The following STARD13 variants were observed in gnomAD, a reference collection of about 807,000 sequenced individuals.
STARD13 encodes the protein stAR-related lipid transfer protein 13.
Under a neutral mutation model 106.4 loss-of-function variants are expected in STARD13, and 62 were observed. The ratio of observed to expected loss-of-function variants is 0.58; its 90% CI spans 0.48 to 0.72. STARD13 has a LOEUF of 0.72. Among genes scored for constraint, STARD13 ranks in the 30% least tolerant of loss-of-function variants. The pLI, the probability that STARD13 is intolerant of heterozygous loss-of-function variation, is 0.00. For synonymous variants in STARD13, 565 were observed against 553.0 expected, an observed-to-expected ratio of 1.02 and a Z score of -0.31; for missense variants, 1,387 against 1,424.0, an observed-to-expected ratio of 0.97 and a Z score of 0.42.
the STARD13 span, among the ~76,000 whole-genome samples, chr13:33,388,901 C>T: frequency 3.3e-5 from 5 of 151,690 alleles, no homozygotes; most frequent in African/African-American, 1.2e-4. Flanking sequence ...ACCTCGCTGA[C>T]TCTTTACATC....
At chr13:33,497,449 G>C in the STARD13 span, among the ~76,000 whole-genome samples, 1 of 152,128 alleles carries the variant, frequency 6.6e-6, no homozygotes, top group East Asian at 1.9e-4. Context: ...TGATAAAGAA[G>C]TGAGAAAGGT....
the STARD13 span, among the ~76,000 whole-genome samples, chr13:33,465,282 T>C: frequency 5.4e-3 from 799 of 146,646 alleles, 19 homozygotes; most frequent in South Asian, 0.039. Flanking sequence ...CTCGGCTCAC[T>C]GCAAGCTCCG....
intron 1 of STARD13, among the ~76,000 whole-genome samples, chr13:33,224,795 A>G (rs1310996011): frequency 6.6e-6 from 1 of 152,238 alleles, no homozygotes; most frequent in African/African-American, 2.4e-5. Context: ...AACATCAGCA[A>G]TATTGACTAG....
chr13:33,261,491 G>A (rs955479483), intron 1 of STARD13, among the ~76,000 whole-genome samples: 17 of 152,048 alleles, frequency 1.1e-4, no homozygotes, highest in African/African-American at 3.6e-4. Context: ...ACTATTTCAC[G>A]GAAACATAAA....
At chr13:33,549,915 A>C in the STARD13 span, among the ~76,000 whole-genome samples, 1 of 152,162 alleles carries the variant, frequency 6.6e-6, no homozygotes, top group Non-Finnish European at 1.5e-5. Context: ...ACTGTATTCC[A>C]AACATGGGCA....
At chr13:33,614,507 G>T in the STARD13 span, among the ~76,000 whole-genome samples, 13 of 152,190 alleles carry the variant, frequency 8.5e-5, no homozygotes, top group African/African-American at 3.1e-4. Flanking sequence ...CATGTCAGGG[G>T]TGCTGCACTG....
At chr13:33,107,710 C>T (rs914421953) in intron 12 of STARD13, among the ~76,000 whole-genome samples, 2 of 151,898 alleles carry the variant, frequency 1.3e-5, no homozygotes, top group African/African-American at 4.8e-5. Flanking sequence ...ATGTGCTGCC[C>T]TGGGAGGCAG....
chr13:33,397,551 C>T, the STARD13 span, among the ~76,000 whole-genome samples: 1 of 152,104 alleles, frequency 6.6e-6, no homozygotes, highest in East Asian at 1.9e-4. Flanking sequence ...TGTTAGTTTG[C>T]AAGGAGGGTA....
intron 1 of STARD13, among the ~76,000 whole-genome samples, chr13:33,215,551 T>A (rs1332750832): frequency 6.6e-6 from 1 of 152,232 alleles, no homozygotes; most frequent in Non-Finnish European, 1.5e-5. Flanking sequence ...GACATAATAA[T>A]GCTCATGATA....
At chr13:33,304,807 T>C (rs1180480417) in intron 1 of STARD13, among the ~76,000 whole-genome samples, 1 of 152,242 alleles carries the variant, frequency 6.6e-6, no homozygotes, top group Non-Finnish European at 1.5e-5. Flanking sequence ...ATTTGTTTAC[T>C]TTTAGCATCT....
intron 1 of STARD13, among the ~76,000 whole-genome samples, chr13:33,171,851 C>T: frequency 6.6e-6 from 1 of 152,210 alleles, no homozygotes; most frequent in East Asian, 1.9e-4. Context: ...CTGGCTTTGC[C>T]TCAGTTGCCT....
chr13:33,416,785 A>G, the STARD13 span, among the ~76,000 whole-genome samples: 2 of 152,360 alleles, frequency 1.3e-5, no homozygotes, highest in African/African-American at 2.4e-5. Context: ...GGGTTTAGTT[A>G]GGCAAAGCCT....
At chr13:33,148,768 G>A (rs1171842577) in intron 3 of STARD13, among the ~76,000 whole-genome samples, 2 of 152,214 alleles carry the variant, frequency 1.3e-5, no homozygotes, top group Admixed American at 6.5e-5. Context: ...AAACCTGCAC[G>A]TAGGTATTTA....
chr13:33,239,779 T>C (rs1378579673), intron 1 of STARD13, among the ~76,000 whole-genome samples: 3 of 152,196 alleles, frequency 2.0e-5, no homozygotes, highest in Non-Finnish European at 4.4e-5. Flanking sequence ...GAAGTTCTTA[T>C]ATATTCTAGA....
the STARD13 span, among the ~76,000 whole-genome samples, chr13:33,607,065 GGA>G: frequency 6.6e-6 from 1 of 151,306 alleles, no homozygotes; most frequent in Non-Finnish European, 1.5e-5. Flanking sequence ...CAGTTCCCAG[GGA>G]TTACAAAGTG....
At chr13:33,664,308 C>A in the STARD13 span, among the ~76,000 whole-genome samples, 1 of 152,176 alleles carries the variant, frequency 6.6e-6, no homozygotes, top group Non-Finnish European at 1.5e-5. Flanking sequence ...AGCAGACACA[C>A]TTATTTTGTT....
At chr13:33,141,438 G>A (rs1263115677) in intron 4 of STARD13, among the ~76,000 whole-genome samples, 1 of 152,180 alleles carries the variant, frequency 6.6e-6, no homozygotes, top group Admixed American at 6.5e-5. Context: ...ATTCAATAAA[G>A]TACAGCTTTA....
the STARD13 span, among the ~76,000 whole-genome samples, chr13:33,476,074 C>A: frequency 6.6e-6 from 1 of 151,904 alleles, no homozygotes; most frequent in African/African-American, 2.4e-5. Flanking sequence ...AGATCTTTTC[C>A]TTTAGGTAAT....
intron 1 of STARD13, among the ~76,000 whole-genome samples, chr13:33,229,533 C>G (rs1888800046): frequency 6.6e-6 from 1 of 152,226 alleles, no homozygotes; most frequent in East Asian, 1.9e-4. Context: ...TCTGCTTGAA[C>G]AAACACAAAC....
Sources: allele counts gnomAD v4.1 joint callset (sites outside exome capture counted in the v4.1 genomes callset), GRCh38; gene constraint gnomAD v4.1.1; transcripts MANE v1.5; gene names NCBI Gene and HGNC (gene_info 2026-07-23, HGNC 2026-07-21).